LRP2BP: variants seen among roughly 807,000 people sequenced by gnomAD.
LRP2BP encodes LRP2 binding protein, also known as LRP2-binding protein.
Under a neutral mutation model 45.2 loss-of-function variants are expected in LRP2BP, and 38 were observed. The ratio of observed to expected loss-of-function variants is 0.84; its 90% confidence interval spans 0.65 to 1.10. LRP2BP has a LOEUF of 1.10. Ranked by LOEUF, LRP2BP falls within the 50% of genes least tolerant of loss-of-function variation. LRP2BP has a pLI of 0.00. For missense variants in LRP2BP, 385 were observed against 418.9 expected (o/e 0.92, Z 0.71); for synonymous variants, 153 against 153.9 (o/e 0.99, Z 0.04).
intron 1 of LRP2BP, among the ~76,000 whole-genome samples, chr4:185,385,906 G>T (rs562652470): frequency 4.6e-5 from 1 of 21,750 alleles, no homozygotes. Context: ...GTCTCGGGGA[G>T]GGGGGGGGGG....
chr4:185,379,122 C>CA (rs879354670), intron 1 of LRP2BP: 35 of 294,248 alleles, frequency 1.2e-4, no homozygotes, highest in Non-Finnish European at 5.5e-5. Context: ...TTTTAAGAGT[C>CA]AATTTCCTCA....
rs550595813 is a variant in LRP2BP, at chr4:185,385,031, GAA to G, written c.-21-6826_-21-6825del. Among the ~76,000 whole-genome samples the G allele has an allele frequency of 9.1e-3, 1,385 of 152,230 alleles. 23 individuals carry two copies. Among genetic ancestry groups the G allele is most frequent in the African/African-American group, 0.032 (1,310 of 41,510 alleles). On this transcript the variant is annotated intron_variant, in intron 1 of 8. Transcript: ENST00000505916. The stretch of plus-strand genomic sequence containing the variant: ...GCCCTGAAGAGAGGAAAAGTGTGGG[GAA>G]AGACAGGATGTGTTTTATGACCAGA...
At chr4:185,374,646 A>G (rs910063884) in intron 4 of LRP2BP, among the ~76,000 whole-genome samples, 185 bp from the exon 5 acceptor site, 4 of 152,154 alleles carry the variant, frequency 2.6e-5, no homozygotes, top group African/African-American at 7.2e-5. Flanking sequence ...AAGAATCTCT[A>G]AAAGTACATC....
chr4:185,378,559 T>A (rs1040374259), intron 1 of LRP2BP: 32 of 1,018,000 alleles, frequency 3.1e-5, no homozygotes, highest in Non-Finnish European at 3.4e-5. Context: ...CAGTCAGAGC[T>A]CTTCTGCACT....
chr4:185,393,548 G>A (rs2095493850), intron 1 of LRP2BP, among the ~76,000 whole-genome samples: 1 of 148,674 alleles, frequency 6.7e-6, no homozygotes, highest in African/African-American at 2.5e-5. Context: ...TTTTTGAGAC[G>A]GAATCTTGCT....
At chr4:185,373,156 ACT>A (rs1395371060) in intron 6 of LRP2BP, 77 bp from the exon 7 acceptor site, 3 of 1,322,198 alleles carry the variant, frequency 2.3e-6, no homozygotes, top group Middle Eastern at 1.9e-4. Context: ...ACAGAAAAGA[ACT>A]CTGTGTTTCC....
chr4:185,388,200 T>A (rs898741024), intron 1 of LRP2BP, among the ~76,000 whole-genome samples: 1 of 152,168 alleles, frequency 6.6e-6, no homozygotes, highest in Non-Finnish European at 1.5e-5. Context: ...ACATCCCACA[T>A]GGTAGGAGAT....
chr4:185,376,443 CTTTTT>C (rs34024562), intron 3 of LRP2BP, among the ~76,000 whole-genome samples: 74 of 105,798 alleles, frequency 7.0e-4, no homozygotes, highest in African/African-American at 2.5e-3. Context: ...TGCCCAGCTA[CTTTTT>C]TTTTTTTTTT....
chr4:185,386,008 C>A (rs1311378833), intron 1 of LRP2BP, among the ~76,000 whole-genome samples: 1 of 151,946 alleles, frequency 6.6e-6, no homozygotes, highest in African/African-American at 2.4e-5. Flanking sequence ...AGGGAAGATA[C>A]AGATTTCAAT....
chr4:185,391,207 G>C (rs574725585), intron 1 of LRP2BP, among the ~76,000 whole-genome samples: 20 of 152,222 alleles, frequency 1.3e-4, no homozygotes, highest in Non-Finnish European at 2.4e-4. Flanking sequence ...TTTTAGGGAA[G>C]AATACCGAAG....
intron 1 of LRP2BP, chr4:185,378,770 C>T (rs529505051): frequency 1.7e-4 from 169 of 985,508 alleles, no homozygotes; most frequent in Non-Finnish European, 1.9e-4. Flanking sequence ...TAGCGGTCAC[C>T]TCATTTGGGG....
At position 185,373,087 on chromosome 4, in the gene LRP2BP, A is replaced by T. The variant is rs2095421370; in HGVS notation, c.580-8T>A. On this transcript the variant is annotated splice_polypyrimidine_tract_variant and splice_region_variant and intron_variant, in intron 6 of 8. Transcript: ENST00000505916. Reference sequence around the variant, plus strand: ...GGAATGCCAGTAAAATGCCTAAGAAAAGCACAGTTTCATCATTGTATTTGT... The same window carrying T: ...GGAATGCCAGTAAAATGCCTAAGAATAGCACAGTTTCATCATTGTATTTGT... 6.2e-7 allele frequency: 1 copy of T among 1,600,330 alleles called. No homozygotes were observed. Among genetic ancestry groups the T allele is most frequent in the Non-Finnish European group, 8.6e-7 (1 of 1,168,180 alleles).
At chr4:185,369,594 A>G (rs181065679) in intron 8 of LRP2BP, among the ~76,000 whole-genome samples, 18 of 152,292 alleles carry the variant, frequency 1.2e-4, no homozygotes, top group African/African-American at 3.6e-4. Flanking sequence ...TATTCATGCT[A>G]AGAATGGTGT....
At chr4:185,373,996 TA>T in intron 6 of LRP2BP, 138 bp downstream of exon 6, 1 of 726,640 alleles carries the variant, frequency 1.4e-6, no homozygotes. Flanking sequence ...TTTGAGATCC[TA>T]AAATGTATGC....
At chr4:185,373,185 T>A (rs2095421834) in intron 6 of LRP2BP, 106 bp from the exon 7 acceptor site, 1 of 1,042,908 alleles carries the variant, frequency 9.6e-7, no homozygotes, top group African/African-American at 1.6e-5. Flanking sequence ...GCACTATTAA[T>A]CATCTCTAGG....
At chr4:185,394,543 A>G (rs990222980) in intron 1 of LRP2BP, among the ~76,000 whole-genome samples, 1 of 152,218 alleles carries the variant, frequency 6.6e-6, no homozygotes, top group Non-Finnish European at 1.5e-5. Context: ...TTTGTAATAT[A>G]ATAAACTGGA....
At chr4:185,393,285 AT>A (rs1286223809) in intron 1 of LRP2BP, among the ~76,000 whole-genome samples, 1 of 152,198 alleles carries the variant, frequency 6.6e-6, no homozygotes, top group African/African-American at 2.4e-5. Flanking sequence ...TTTCTATGGC[AT>A]TACTAAACAT....
At chr4:185,397,185 C>T (rs1348457609), upstream of LRP2BP, 2 of 1,613,826 alleles carry the variant, frequency 1.2e-6, no homozygotes, top group South Asian at 2.2e-5. Context: ...AGACAGGGGC[C>T]TCGGTCAACG....
chr4:185,368,843 G>A (rs2095402928), intron 8 of LRP2BP, among the ~76,000 whole-genome samples: 2 of 150,144 alleles, frequency 1.3e-5, no homozygotes, highest in South Asian at 2.1e-4. Flanking sequence ...GCCCAGGCTG[G>A]AGTGCAGCGG....
Sources: allele counts gnomAD v4.1 joint callset (sites outside exome capture counted in the v4.1 genomes callset), GRCh38; gene constraint gnomAD v4.1.1; transcripts MANE v1.5; gene names NCBI Gene and HGNC (gene_info 2026-07-23, HGNC 2026-07-21).